FHIP1A: variants seen among roughly 807,000 people sequenced by gnomAD.
FHIP1A encodes FHF complex subunit HOOK-interacting protein 1A.
Under a neutral mutation model 88.6 loss-of-function variants are expected in FHIP1A, and 61 were observed. The ratio of observed to expected loss-of-function variants is 0.69; its 90% CI spans 0.56 to 0.85. The LOEUF (loss-of-function observed/expected upper bound fraction) is 0.85, where lower values mean the gene tolerates loss of function less well. Ranked by LOEUF, FHIP1A falls within the 40% of genes least tolerant of loss-of-function variation. FHIP1A has a pLI of 0.00. For synonymous variants in FHIP1A, 478 were observed against 496.0 expected (o/e 0.96, Z 0.48); for missense variants, 1,154 against 1,273.5 (o/e 0.91, Z 1.43).
intron 3 of FHIP1A, among the ~76,000 whole-genome samples, chr4:151,543,378 C>T (rs1160072457): frequency 6.6e-6 from 1 of 152,188 alleles, no homozygotes; most frequent in Non-Finnish European, 1.5e-5. Context: ...TTCTGAACTC[C>T]TAATGCATGT....
intron 3 of FHIP1A, among the ~76,000 whole-genome samples, chr4:151,563,224 C>T (rs1206626825): frequency 6.6e-6 from 1 of 152,102 alleles, no homozygotes; most frequent in Non-Finnish European, 1.5e-5. Context: ...ATTTTGACAG[C>T]TCATCTCTTT....
intron 3 of FHIP1A, among the ~76,000 whole-genome samples, chr4:151,485,672 G>C (rs1363277521): frequency 3.3e-5 from 5 of 150,722 alleles, no homozygotes; most frequent in African/African-American, 1.2e-4. Context: ...GCTCACTGAA[G>C]CTTTGACCTC....
chr4:151,608,816 A>C (rs1735182073), intron 7 of FHIP1A, among the ~76,000 whole-genome samples: 1 of 152,252 alleles, frequency 6.6e-6, no homozygotes, highest in Admixed American at 6.5e-5. Flanking sequence ...AGCCTTTTCC[A>C]AATGAGCAAG....
intron 7 of FHIP1A, among the ~76,000 whole-genome samples, chr4:151,590,062 T>G (rs889004418): frequency 2.0e-5 from 3 of 152,210 alleles, no homozygotes; most frequent in African/African-American, 7.2e-5. Flanking sequence ...AGAACTTGTA[T>G]TTGTTTCTAG....
intron 13 of FHIP1A, among the ~76,000 whole-genome samples, chr4:151,657,555 T>A (rs1737294862): frequency 6.6e-6 from 1 of 152,202 alleles, no homozygotes; most frequent in Admixed American, 6.5e-5. Flanking sequence ...GCACCACTGC[T>A]GCTTTACCTT....
intron 8 of FHIP1A, 58 bp from the exon 9 acceptor site, chr4:151,638,619 G>A: frequency 2.0e-6 from 2 of 1,007,596 alleles, no homozygotes; most frequent in Non-Finnish European, 3.0e-6. Flanking sequence ...TACTATCTGT[G>A]GGGAGTAGAG....
chr4:151,623,671 T>C (rs923606680), intron 7 of FHIP1A, among the ~76,000 whole-genome samples: 6 of 152,154 alleles, frequency 3.9e-5, no homozygotes, highest in Admixed American at 3.9e-4. Flanking sequence ...TTCAAAGATA[T>C]TGATTATCCC....
chr4:151,626,345 A>G (rs973257292), intron 7 of FHIP1A, among the ~76,000 whole-genome samples: 1 of 152,232 alleles, frequency 6.6e-6, no homozygotes, highest in African/African-American at 2.4e-5. Context: ...CAAGGGCTAT[A>G]GGAGTGTGGA....
At chr4:151,576,677 C>G (rs919160660) in intron 4 of FHIP1A, 2 of 152,200 alleles carry the variant, frequency 1.3e-5, no homozygotes, top group Non-Finnish European at 2.9e-5. Context: ...ACACAGCATT[C>G]AAACCCTTCA....
chr4:151,648,316 C>T (rs944443656), intron 10 of FHIP1A, among the ~76,000 whole-genome samples: 2 of 152,148 alleles, frequency 1.3e-5, no homozygotes, highest in South Asian at 2.1e-4. Flanking sequence ...AAGACTGCCT[C>T]GCATGTAGTA....
intron 7 of FHIP1A, among the ~76,000 whole-genome samples, chr4:151,602,995 A>G (rs908542691): frequency 5.3e-5 from 8 of 152,168 alleles, no homozygotes; most frequent in Non-Finnish European, 2.9e-5. Context: ...AGGCTAATAA[A>G]TGCACTTAGC....
chr4:151,428,968 A>G (rs1008759363), intron 1 of FHIP1A, among the ~76,000 whole-genome samples: 1 of 152,234 alleles, frequency 6.6e-6, no homozygotes, highest in Non-Finnish European at 1.5e-5. Context: ...ATAGGCATTT[A>G]CATCACTATG....
chr4:151,525,181 C>T (rs1731584394), intron 3 of FHIP1A, among the ~76,000 whole-genome samples: 1 of 152,146 alleles, frequency 6.6e-6, no homozygotes, highest in African/African-American at 2.4e-5. Flanking sequence ...GGAACTCAGG[C>T]TCAGCTGGGC....
intron 3 of FHIP1A, among the ~76,000 whole-genome samples, chr4:151,505,837 T>C (rs1057120470): frequency 6.6e-6 from 1 of 152,168 alleles, no homozygotes; most frequent in Non-Finnish European, 1.5e-5. Context: ...ACACAAAAGA[T>C]TTTCTGTCCA....
chr4:151,578,528 A>G (rs1048308249), intron 5 of FHIP1A, among the ~76,000 whole-genome samples: 3 of 152,112 alleles, frequency 2.0e-5, no homozygotes, highest in Non-Finnish European at 2.9e-5. Context: ...TTTTGTTGTC[A>G]TAGGAACATG....
intron 3 of FHIP1A, among the ~76,000 whole-genome samples, chr4:151,519,519 A>G (rs1436198624): frequency 6.6e-6 from 1 of 152,166 alleles, no homozygotes; most frequent in Non-Finnish European, 1.5e-5. Flanking sequence ...CTATTAAGAA[A>G]AAAGCTGCTA....
At chr4:151,554,404 T>G (rs1156995632) in intron 3 of FHIP1A, among the ~76,000 whole-genome samples, 1 of 152,126 alleles carries the variant, frequency 6.6e-6, no homozygotes, top group Admixed American at 6.5e-5. Context: ...ATGAATAACA[T>G]AAAAATGTGA....
intron 5 of FHIP1A, among the ~76,000 whole-genome samples, chr4:151,583,218 C>T (rs894539022): frequency 2.0e-5 from 3 of 152,178 alleles, no homozygotes; most frequent in Non-Finnish European, 4.4e-5. Flanking sequence ...GATTTAGAAT[C>T]TTGTTTCTAA....
chr4:151,428,807 G>GT (rs1284109190), intron 1 of FHIP1A, among the ~76,000 whole-genome samples: 3 of 151,422 alleles, frequency 2.0e-5, no homozygotes, highest in Non-Finnish European at 4.4e-5. Context: ...TGCACACACT[G>GT]TTGACCATAC....
Sources: allele counts gnomAD v4.1 joint callset (sites outside exome capture counted in the v4.1 genomes callset), GRCh38; gene constraint gnomAD v4.1.1; transcripts MANE v1.5; gene names NCBI Gene and HGNC (gene_info 2026-07-23, HGNC 2026-07-21).